GRAMD1B: variants seen among roughly 807,000 people sequenced by gnomAD.
GRAMD1B encodes protein Aster-B.
In GRAMD1B, 37 loss-of-function variants were observed where a neutral mutation model predicts 99.7. That is an observed-to-expected ratio of 0.37 (90% CI 0.29 to 0.49). The LOEUF is 0.49. GRAMD1B is among the 20% of genes least tolerant of loss of function. The pLI is 0.98. For synonymous variants in GRAMD1B, 427 were observed against 387.6 expected (o/e 1.10, Z -1.19); for missense variants, 888 against 1,009.2 (o/e 0.88, Z 1.63).
At position 123,557,216 on chromosome 11, in the gene GRAMD1B, A is replaced by G. The variant is rs561463440; in HGVS notation, c.453-20151A>G. On this transcript the variant is annotated intron_variant, in intron 2 of 19. Coordinates refer to ENST00000635736, the MANE Select transcript of GRAMD1B (RefSeq NM_001387025.1). The stretch of plus-strand genomic sequence containing the variant: ...TGCACATAAATAGTACTCTTTTGCT[A>G]TCATCAGGATAGTTTTGGTTTTATT... 3.3e-5 allele frequency among the ~76,000 whole-genome samples: 5 copies of G among 152,354 alleles called. No homozygotes were observed. The East Asian group carries it at 7.7e-4, about 24-fold the overall frequency.
In GRAMD1B at chr11:123,577,660, G is replaced by A. The variant is rs1246920705; in HGVS notation, c.663+83G>A. 3.9e-6 allele frequency: 4 copies of A among 1,038,322 alleles called. No individual in the cohort carries two copies. In the Admixed American group the frequency reaches 8.1e-5, roughly 21 times the overall value. 64.3% of individuals were successfully genotyped at this position (1,038,322 alleles called of 1,614,324 possible). The stretch of plus-strand genomic sequence containing the variant: ...TGGGGTGGTGAGCCGGAGAACATCT[G>A]CGAGGGTCCTCACGTGATGAACAGC... On this transcript the variant is annotated intron_variant, in intron 3 of 19. Transcript: ENST00000635736.
At position 123,624,897 on chromosome 11, in the gene GRAMD1B, C is replaced by G. The variant is rs1362718007; in HGVS notation, c.*2302C>G. ...TCTGCTTTACCTCTCAGGACCATTC[C>G]CAGGAGGAAAAGGTGGCAGAGAGGG... is the stretch of plus-strand genomic sequence containing the variant. On this transcript the variant is annotated 3_prime_UTR_variant, in exon 20 of 20. Coordinates refer to ENST00000635736, the MANE Select transcript of GRAMD1B (RefSeq NM_001387025.1). 2.0e-5 allele frequency: 3 copies of G among 152,154 alleles called. No homozygotes were observed. Among genetic ancestry groups the G allele is most frequent in the African/African-American group, 4.8e-5 (2 of 41,410 alleles). The allele number at this position is 152,154 out of a possible 1,614,324, so 9.4% of individuals were successfully genotyped here. A position where few individuals can be genotyped will look rare whatever the true frequency, so the allele number is the denominator to read the frequency against.
At chr11:123,580,091 C>T (rs879809525) in intron 3 of GRAMD1B, among the ~76,000 whole-genome samples, 1 of 152,192 alleles carries the variant, frequency 6.6e-6, no homozygotes, top group Non-Finnish European at 1.5e-5. Context: ...TTGCCATCGA[C>T]ACTTGCCCTG....
intron 2 of GRAMD1B, among the ~76,000 whole-genome samples, chr11:123,574,553 G>A (rs1453154731): frequency 6.6e-6 from 1 of 152,130 alleles, no homozygotes; most frequent in Admixed American, 6.5e-5. Context: ...TAGAATTGGT[G>A]GAATTCAGTG....
chr11:123,518,927 G>A (rs1191799487), intron 2 of GRAMD1B, among the ~76,000 whole-genome samples: 4 of 152,328 alleles, frequency 2.6e-5, no homozygotes, highest in South Asian at 2.1e-4. Flanking sequence ...GAAGCCTGGC[G>A]GGAGGTGATT....
intron 1 of GRAMD1B, among the ~76,000 whole-genome samples, chr11:123,445,331 C>T (rs1337265128): frequency 6.6e-6 from 1 of 152,162 alleles, no homozygotes; most frequent in Non-Finnish European, 1.5e-5. Flanking sequence ...TGGATCATTA[C>T]ACTTTGGAGC....
intron 1 of GRAMD1B, among the ~76,000 whole-genome samples, chr11:123,362,404 C>A (rs1414576377): frequency 1.3e-5 from 2 of 152,160 alleles, no homozygotes; most frequent in Non-Finnish European, 2.9e-5. Flanking sequence ...CTTGGTGCAA[C>A]TCTGGATCTT....
At chr11:123,575,806 G>A (rs1180909585) in intron 2 of GRAMD1B, among the ~76,000 whole-genome samples, 2 of 152,134 alleles carry the variant, frequency 1.3e-5, no homozygotes, top group Non-Finnish European at 2.9e-5. Context: ...TAAGGAATGG[G>A]TGGGGCAAAA....
chr11:123,574,201 A>G (rs369238377), intron 2 of GRAMD1B, among the ~76,000 whole-genome samples: 1 of 152,182 alleles, frequency 6.6e-6, no homozygotes, highest in Non-Finnish European at 1.5e-5. Flanking sequence ...CATGTATATT[A>G]AGGGAATTGG....
At chr11:123,435,294 T>C in intron 1 of GRAMD1B, 2 of 629,024 alleles carry the variant, frequency 3.2e-6, no homozygotes. Flanking sequence ...TCAGGCTTGC[T>C]ATGAAATTCA....
At chr11:123,544,822 C>T (rs996313119) in intron 2 of GRAMD1B, among the ~76,000 whole-genome samples, 2 of 152,290 alleles carry the variant, frequency 1.3e-5, no homozygotes, top group African/African-American at 4.8e-5. Context: ...GCTGGCATTT[C>T]TGACCTTTGT....
At chr11:123,594,877 G>A (rs1430222363) in intron 6 of GRAMD1B, 39 bp downstream of exon 6, 1 of 1,068,346 alleles carries the variant, frequency 9.4e-7, no homozygotes, top group Admixed American at 1.7e-5. Context: ...TGTCTCCTTG[G>A]CTATGGCTGA....
At chr11:123,471,987 G>A (rs998046973) in intron 1 of GRAMD1B, among the ~76,000 whole-genome samples, 1 of 152,122 alleles carries the variant, frequency 6.6e-6, no homozygotes, top group African/African-American at 2.4e-5. Flanking sequence ...GAAAACTAAC[G>A]CTGGGTGTGG....
intron 19 of GRAMD1B, chr11:123,619,466 C>A: frequency 7.7e-7 from 1 of 1,305,122 alleles, no homozygotes; most frequent in Non-Finnish European, 9.8e-7. Flanking sequence ...ACCAGGAAAG[C>A]TGTAGTTTAG....
intron 1 of GRAMD1B, among the ~76,000 whole-genome samples, chr11:123,385,164 G>C (rs1005655632): frequency 7.2e-5 from 11 of 152,058 alleles, no homozygotes; most frequent in African/African-American, 2.7e-4. Flanking sequence ...AATTCTTCTG[G>C]TATTGTGGGA....
intron 2 of GRAMD1B, among the ~76,000 whole-genome samples, chr11:123,486,596 A>G (rs1296842436): frequency 2.7e-5 from 4 of 146,234 alleles, no homozygotes; most frequent in African/African-American, 1.0e-4. Flanking sequence ...AGGCAGAAAG[A>G]AAGTGTAGAA....
chr11:123,422,170 G>A (rs1206358032), intron 1 of GRAMD1B, among the ~76,000 whole-genome samples: 1 of 152,182 alleles, frequency 6.6e-6, no homozygotes, highest in Non-Finnish European at 1.5e-5. Flanking sequence ...GATGTGGGGG[G>A]GATACAAGCA....
At chr11:123,588,808 G>A (rs1256265562) in intron 4 of GRAMD1B, among the ~76,000 whole-genome samples, 1 of 152,072 alleles carries the variant, frequency 6.6e-6, no homozygotes, top group African/African-American at 2.4e-5. Context: ...CATTCACTTG[G>A]TAAATACTTT....
intron 15 of GRAMD1B, chr11:123,613,139 T>C (rs1953827665): frequency 9.0e-6 from 5 of 555,930 alleles, no homozygotes; most frequent in Admixed American, 3.3e-5. Context: ...GACCTAGTGA[T>C]ATAGGTGGCT....
Sources: gnomAD v4.1 joint callset for allele counts (sites outside exome capture counted in the v4.1 genomes callset) on GRCh38, gnomAD v4.1.1 for gene constraint, MANE v1.5 for transcripts, NCBI Gene and HGNC (gene_info 2026-07-23, HGNC 2026-07-21) for gene names.